Variants in CFAP52 observed in about 807,000 individuals in gnomAD.
CFAP52 encodes the protein cilia and flagella associated protein 52.
In CFAP52, 57 loss-of-function variants were observed where a neutral mutation model predicts 70.5. The observed-to-expected ratio is 0.81, with a 90% confidence interval of 0.65 to 1.01. CFAP52 has a LOEUF of 1.01. CFAP52 is among the 50% of genes least tolerant of loss of function. The pLI is 0.00. For synonymous variants in CFAP52, 267 were observed against 292.5 expected (o/e 0.91, Z 0.89); for missense variants, 785 against 788.5 (o/e 1.00, Z 0.05).
chr17:9,613,848 GTA>G (rs1909802986), intron 8 of CFAP52, among the ~76,000 whole-genome samples: 1 of 152,044 alleles, frequency 6.6e-6, no homozygotes, highest in Non-Finnish European at 1.5e-5. Context: ...ATCTTGAGCT[GTA>G]GTTTCCGTTC....
Position 9,600,152 on chromosome 17 carries a change from A to G in CFAP52, c.722A>G (p.Asp241Gly), listed in dbSNP as rs774822586. Residue 241 changes from aspartate (D) to glycine (G), a missense_variant, in exon 6 of 14, where the codon GAT becomes GGT. Physicochemically the swap from Asp to Gly is moderately conservative, Grantham distance 94. Transcript: ENST00000352665. ...KMNPRTKLLT[D>G]VGPAKDKFSL... ...AACCCCAGGACTAAACTGCTGACAG[A>G]TGTTGGGCCTGCGAAGGACAAATTC... 107 of 1,614,030 alleles carry G rather than the reference A, an allele frequency of 6.6e-5. 2 individuals carry two copies. The South Asian group carries it at 1.2e-3, about 17-fold the overall frequency.
At chr17:9,632,820 G>T (rs1267046394) in intron 9 of CFAP52, 68 bp from the exon 10 acceptor site, 34 of 1,566,348 alleles carry the variant, frequency 2.2e-5, no homozygotes, top group Non-Finnish European at 2.9e-5. Context: ...CCTTAGTGAG[G>T]CCAGCAGACT....
At chr17:9,602,503 T>C (rs1006309723) in intron 6 of CFAP52, among the ~76,000 whole-genome samples, 3 of 152,222 alleles carry the variant, frequency 2.0e-5, no homozygotes, top group Admixed American at 6.5e-5. Context: ...ATGTGCCACA[T>C]TTTCTTTCTA....
chr17:9,628,718 G>A lies in CFAP52; in HGVS notation c.1072G>A (p.Val358Met). The change falls in exon 9 of 14, where the codon GTG (valine) becomes ATG (methionine). Residue 358 changes from valine to methionine, a missense_variant. Val to Met is a conservative substitution (Grantham distance 21). Transcript: ENST00000352665. ...AACCTGTGCCAAGAAGGATATCAGG[G>A]TGTGGCACACATCATCCAACAGGGA... ...FATCAKKDIR[V>M]WHTSSNRELL... 6.2e-7 allele frequency: 1 copy of A among 1,614,164 alleles called. No homozygotes were observed. The highest frequency in any genetic ancestry group is 1.1e-5 in the South Asian group (1 of 91,086).
At chr17:9,622,015 A>G (rs1910059962) in intron 8 of CFAP52, among the ~76,000 whole-genome samples, 1 of 152,328 alleles carries the variant, frequency 6.6e-6, no homozygotes, top group African/African-American at 2.4e-5. Context: ...AAAAAAATAA[A>G]TAAATAAATA....
chr17:9,611,102 TTC>T (rs1909695484), intron 7 of CFAP52, among the ~76,000 whole-genome samples: 1 of 152,188 alleles, frequency 6.6e-6, no homozygotes, highest in Admixed American at 6.5e-5. Flanking sequence ...TCATTAACTG[TTC>T]TGTGTCCCAC....
chr17:9,585,045 A>G (rs796234636), intron 1 of CFAP52, among the ~76,000 whole-genome samples: 6 of 152,254 alleles, frequency 3.9e-5, no homozygotes, highest in African/African-American at 1.2e-4. Context: ...TATTTACCCA[A>G]CCTTTGCCTG....
chr17:9,588,789 T>TTC (rs1908614742), intron 3 of CFAP52, among the ~76,000 whole-genome samples: 1 of 150,800 alleles, frequency 6.6e-6, no homozygotes, highest in Admixed American at 6.6e-5. Flanking sequence ...TTTTTTTTTT[T>TTC]GAGATGGAGT....
At chr17:9,624,447 T>C (rs1005422641) in intron 8 of CFAP52, among the ~76,000 whole-genome samples, 3 of 152,046 alleles carry the variant, frequency 2.0e-5, no homozygotes, top group Non-Finnish European at 2.9e-5. Flanking sequence ...TGTCATTGAG[T>C]CCACCTAGTA....
chr17:9,616,713 TGGGAGGCACCCCCCAGCA>T (rs1909942594), intron 8 of CFAP52, among the ~76,000 whole-genome samples: 1 of 147,570 alleles, frequency 6.8e-6, no homozygotes, highest in Admixed American at 6.7e-5. Flanking sequence ...GCAGCCTAAC[TGGGAGGCACCCCCCAGCA>T]GGGGCACACT....
rs1489369838 is a variant in CFAP52, at chr17:9,596,057, GTGTATATATATATATATATATATATATA to G, written c.536+1738_536+1765del. On this transcript the variant is annotated intron_variant, in intron 4 of 13. Transcript: ENST00000352665. Reference sequence around the variant, plus strand: ...TATATGTATGTAGATATATATGTGTGTGTATATATATATATATATATATATATATATATATATATATATATGTACACAT... The same window carrying G: ...TATATGTATGTAGATATATATGTGTGTATATATATATATATATGTACACAT... Among the ~76,000 whole-genome samples, 270 of 103,586 alleles carry G rather than the reference GTGTATATATATATATATATATATATATA, an allele frequency of 2.6e-3. 10 individuals are homozygous for G. The East Asian group carries it at 0.071, about 27-fold the overall frequency. The allele number at this position is 103,586 out of a possible 152,430, so 68.0% of individuals were successfully genotyped here.
chr17:9,592,558 G>C (rs907037245), intron 3 of CFAP52, among the ~76,000 whole-genome samples: 1 of 152,106 alleles, frequency 6.6e-6, no homozygotes, highest in Non-Finnish European at 1.5e-5. Context: ...ACCACTAATC[G>C]ACCATCTGTC....
Position 9,615,628 on chromosome 17 carries a change from T to C in CFAP52, c.1025+3149T>C, listed in dbSNP as rs376111874. ...AGTGGTTACCCTTGAATTGTTTTTT[T>C]TTCTTTTAGGACATAAGGTCTTCCT... On this transcript the variant is annotated intron_variant, in intron 8 of 13. Coordinates refer to ENST00000352665, the MANE Select transcript of CFAP52 (RefSeq NM_145054.5). Among the ~76,000 whole-genome samples the C allele has an allele frequency of 1.4e-4, 21 of 152,088 alleles. No homozygotes were observed. The Middle Eastern group carries it at 0.01, about 74-fold the overall frequency.
At chr17:9,589,640 G>T (rs1443427622) in intron 3 of CFAP52, among the ~76,000 whole-genome samples, 1 of 151,882 alleles carries the variant, frequency 6.6e-6, no homozygotes, top group Non-Finnish European at 1.5e-5. Context: ...GGCTGAGGCA[G>T]GAGAATTGCT....
At position 9,615,932 on chromosome 17, in the gene CFAP52, C is replaced by G. The variant is rs1210966879; in HGVS notation, c.1025+3453C>G. 7.9e-5 allele frequency among the ~76,000 whole-genome samples: 12 copies of G among 151,088 alleles called. No individual in the cohort carries two copies. The Admixed American group carries it at 8.0e-4, about 10-fold the overall frequency. On this transcript the variant is annotated intron_variant, in intron 8 of 13. Transcript: ENST00000352665. ...AGGCCTCTCAGATTATAGGCATGAG[C>G]CACTGCAGTCAACCTCTAAATTTTT...
chr17:9,584,916 C>A (rs1221299804), intron 1 of CFAP52, among the ~76,000 whole-genome samples: 1 of 152,164 alleles, frequency 6.6e-6, no homozygotes, highest in Non-Finnish European at 1.5e-5. Flanking sequence ...GCAACCGTGC[C>A]TGGCCACACA....
At chr17:9,585,520 A>C (rs929283378) in intron 1 of CFAP52, among the ~76,000 whole-genome samples, 3 of 152,068 alleles carry the variant, frequency 2.0e-5, no homozygotes, top group Non-Finnish European at 4.4e-5. Flanking sequence ...TACAAAAAAA[A>C]ATTAGCCAGG....
chr17:9,613,141 T>C (rs915858607), intron 8 of CFAP52, among the ~76,000 whole-genome samples: 3 of 151,724 alleles, frequency 2.0e-5, no homozygotes, highest in African/African-American at 7.3e-5. Flanking sequence ...GTGGTACCTG[T>C]TTTCAAACTT....
chr17:9,631,034 G>GAA lies in CFAP52; in HGVS notation c.1175-1853_1175-1852insAA, dbSNP rs1567634864. On this transcript the variant is annotated intron_variant, in intron 9 of 13. Coordinates refer to ENST00000352665, the MANE Select transcript of CFAP52 (RefSeq NM_145054.5). Reference sequence around the variant, plus strand: ...AGAAAGAAAGAAAGAAAGAAAGAGAGAGAGAGAGAGAGAGAGAGAGAAAGA... The same window carrying GAA: ...AGAAAGAAAGAAAGAAAGAAAGAGAGAAAGAGAGAGAGAGAGAGAGAGAAAGA... Among the ~76,000 whole-genome samples the GAA allele has an allele frequency of 1.9e-3, 131 of 69,108 alleles. 1 individual carries two copies. Among genetic ancestry groups the GAA allele is most frequent in the African/African-American group, 8.1e-3 (115 of 14,198 alleles). 45.3% of individuals were successfully genotyped at this position (69,108 alleles called of 152,430 possible).
Sources: allele counts gnomAD v4.1 joint callset (sites outside exome capture counted in the v4.1 genomes callset), GRCh38; gene constraint gnomAD v4.1.1; transcripts MANE v1.5; gene names NCBI Gene and HGNC (gene_info 2026-07-23, HGNC 2026-07-21).